The following DCAF5 variants were observed in gnomAD, a reference collection of about 807,000 sequenced individuals.
DCAF5 encodes the protein DDB1 and CUL4 associated factor 5.
Under a neutral mutation model 80.7 loss-of-function variants are expected in DCAF5, and 9 were observed. The observed-to-expected ratio is 0.11, with a 90% CI of 0.07 to 0.19. The LOEUF is 0.19. Among genes scored for constraint, DCAF5 ranks in the 10% least tolerant of loss-of-function variants. DCAF5 has a pLI of 1.00. For missense variants in DCAF5, 842 were observed against 1,205.7 expected, an observed-to-expected ratio of 0.70 and a Z score of 4.47; for synonymous variants, 433 against 461.9, an observed-to-expected ratio of 0.94 and a Z score of 0.80.
intron 6 of DCAF5, among the ~76,000 whole-genome samples, chr14:69,076,994 C>T (rs2038924306): frequency 6.6e-6 from 1 of 152,012 alleles, no homozygotes; most frequent in East Asian, 1.9e-4. Flanking sequence ...ACTGCTTGAT[C>T]TCAAAAAGGA....
rs2040592952 is a variant in DCAF5 at position 69,118,003 on chromosome 14, C to G, written c.535+136G>C. The G allele has an allele frequency of 1.6e-6, 2 of 1,255,530 alleles. No homozygotes were observed. The highest frequency in any genetic ancestry group is 2.3e-5 in the East Asian group (1 of 42,640). 77.8% of individuals were successfully genotyped at this position (1,255,530 alleles called of 1,614,324 possible). ...AAGGCCTCCAAAGACCTCTTATGCC[C>G]CCATGTGAGTGTTTCACATTTCCTT... On this transcript the variant is annotated intron_variant, in intron 4 of 8. Coordinates refer to ENST00000341516, the MANE Select transcript of DCAF5 (RefSeq NM_003861.3). The surrounding 1 kb of genome is among the most constrained non-coding windows in gnomAD (Gnocchi z 4.0).
At chr14:69,093,342 G>A (rs1035514440) in intron 5 of DCAF5, among the ~76,000 whole-genome samples, 1 of 152,120 alleles carries the variant, frequency 6.6e-6, no homozygotes, top group Admixed American at 6.5e-5. Context: ...AGTAGTTTTA[G>A]AGAAAAAAGT....
In DCAF5 at chr14:69,152,988, GCC is replaced by G; in HGVS notation, c.-12_-11del. 4.0e-6 allele frequency: 6 copies of G among 1,491,604 alleles called. No individual in the cohort carries two copies. The highest frequency in any genetic ancestry group is 5.4e-6 in the Non-Finnish European group (6 of 1,118,234). The allele number at this position is 1,491,604 out of a possible 1,614,324, so 92.4% of individuals were successfully genotyped here. ...CAGCTCTCCTCTTCATGCTGGAACC[GCC>G]GCCGCCGCCGCTCGCGCCGCCGCCC... On this transcript the variant is annotated 5_prime_UTR_variant, in exon 1 of 9. Transcript: ENST00000341516. This position sits in a 1 kb window ranked among gnomAD's most constrained non-coding sequence, Gnocchi z 4.1.
intron 2 of DCAF5, among the ~76,000 whole-genome samples, chr14:69,119,803 A>AT (rs929937329): frequency 2.0e-4 from 31 of 151,948 alleles, no homozygotes; most frequent in African/African-American, 7.2e-4. Flanking sequence ...CACTAGCTTT[A>AT]TTTTTTTTCT....
intron 1 of DCAF5, among the ~76,000 whole-genome samples, chr14:69,133,277 T>G (rs1322407801): frequency 6.6e-6 from 1 of 152,194 alleles, no homozygotes. Context: ...CTTACCATGA[T>G]GCAATCCAGC....
At chr14:69,077,636 C>T (rs2038951585) in intron 6 of DCAF5, among the ~76,000 whole-genome samples, 1 of 152,056 alleles carries the variant, frequency 6.6e-6, no homozygotes, top group Non-Finnish European at 1.5e-5. Context: ...CCTCAGCCTC[C>T]CAATGTGTTG....
At chr14:69,135,334 G>A (rs1436836003) in intron 1 of DCAF5, among the ~76,000 whole-genome samples, 3 of 152,260 alleles carry the variant, frequency 2.0e-5, no homozygotes, top group South Asian at 2.1e-4. Flanking sequence ...CAAATGCCAC[G>A]TTCACTCAGG....
chr14:69,085,395 T>C, intron 6 of DCAF5: 1 of 559,308 alleles, frequency 1.8e-6, no homozygotes, highest in Non-Finnish European at 3.4e-6. Context: ...ACTGAAGACA[T>C]GCCTTTCTTT....
At chr14:69,137,869 G>GTTGTTA (rs766927334) in intron 1 of DCAF5, among the ~76,000 whole-genome samples, 18 of 152,140 alleles carry the variant, frequency 1.2e-4, no homozygotes, top group Non-Finnish European at 1.9e-4. Flanking sequence ...TATTACTATT[G>GTTGTTA]TTGTTAATGT....
At chr14:69,151,029 G>C (rs1189877048) in intron 1 of DCAF5, among the ~76,000 whole-genome samples, 6 of 152,200 alleles carry the variant, frequency 3.9e-5, no homozygotes, top group African/African-American at 1.4e-4. Context: ...GTTTACTTGT[G>C]TCTGGGAACT....
intron 1 of DCAF5, chr14:69,144,100 A>G (rs143542140): frequency 8.1e-4 from 124 of 152,230 alleles, no homozygotes; most frequent in African/African-American, 2.8e-3. Context: ...TTAATGCAAA[A>G]CCTTCAAATC....
chr14:69,087,103 G>A (rs1033089295), intron 6 of DCAF5, among the ~76,000 whole-genome samples: 2 of 152,196 alleles, frequency 1.3e-5, no homozygotes, highest in Admixed American at 1.3e-4. Flanking sequence ...TTGCTTACCA[G>A]AAGCCTGAGC....
At chr14:69,056,038 GCA>G (rs1217349904) in intron 8 of DCAF5, among the ~76,000 whole-genome samples, 5 of 152,190 alleles carry the variant, frequency 3.3e-5, no homozygotes, top group Non-Finnish European at 5.9e-5. Flanking sequence ...CTGAAGCTGT[GCA>G]CAGAGAGGTA....
At chr14:69,074,798 C>T (rs1280412393) in intron 7 of DCAF5, among the ~76,000 whole-genome samples, 1 of 152,034 alleles carries the variant, frequency 6.6e-6, no homozygotes, top group Admixed American at 6.6e-5. Context: ...CTTTGGGAGG[C>T]TGAGGAGGGG....
At chr14:69,056,015 G>C (rs1369829491) in intron 8 of DCAF5, among the ~76,000 whole-genome samples, 4 of 152,142 alleles carry the variant, frequency 2.6e-5, no homozygotes, top group Admixed American at 6.5e-5. Flanking sequence ...AGGTGTTAAA[G>C]ACTTTCAGAA....
At chr14:69,068,113 G>A (rs2038534845) in intron 7 of DCAF5, among the ~76,000 whole-genome samples, 1 of 152,136 alleles carries the variant, frequency 6.6e-6, no homozygotes, top group South Asian at 2.1e-4. Flanking sequence ...GGCCTCAGAA[G>A]CCACTTTTAC....
chr14:69,145,174 T>TACCC (rs2041501803), intron 1 of DCAF5, among the ~76,000 whole-genome samples: 1 of 152,130 alleles, frequency 6.6e-6, no homozygotes, highest in Non-Finnish European at 1.5e-5. Flanking sequence ...CACGCCACCA[T>TACCC]ACCCAGCTAG....
chr14:69,084,188 C>A (rs542171014), intron 6 of DCAF5: 5 of 946,710 alleles, frequency 5.3e-6, no homozygotes. Context: ...TTTTGGTGTT[C>A]TTAAGGAGCT....
chr14:69,082,444 G>C (rs2039142313), intron 6 of DCAF5, among the ~76,000 whole-genome samples: 1 of 132,410 alleles, frequency 7.6e-6, no homozygotes, highest in Admixed American at 8.4e-5. Context: ...AACCTTTATG[G>C]GTTCTGTGTA....
Sources: allele counts gnomAD v4.1 joint callset (sites outside exome capture counted in the v4.1 genomes callset), GRCh38; gene constraint gnomAD v4.1.1; non-coding constraint Gnocchi (gnomAD v3.1); transcripts MANE v1.5; gene names NCBI Gene and HGNC (gene_info 2026-07-23, HGNC 2026-07-21).